The following PXN variants were observed in gnomAD, a reference collection of about 807,000 sequenced individuals.
PXN encodes the protein paxillin, also known as testicular tissue protein Li 134.
PXN carries 61 observed loss-of-function variants against 103.6 expected under a neutral mutation model. The observed-to-expected ratio is 0.59, with a 90% CI of 0.48 to 0.73. The LOEUF (loss-of-function observed/expected upper bound fraction) is 0.73, where lower values mean the gene tolerates loss of function less well. PXN is among the 30% of genes least tolerant of loss of function. The pLI is 0.00. For missense variants in PXN, 1,274 were observed against 1,460.3 expected (o/e 0.87, Z 2.08); for synonymous variants, 562 against 607.8 (o/e 0.92, Z 1.11).
At chr12:120,239,660 G>A (rs760005719) in intron 1 of PXN, among the ~76,000 whole-genome samples, 46 of 151,974 alleles carry the variant, frequency 3.0e-4, no homozygotes, top group Admixed American at 5.2e-4. Flanking sequence ...GTGAGGCAAC[G>A]GAATTGCTTG....
chr12:120,221,749 G>A lies in PXN; in HGVS notation c.705C>T (p.Ile235=). ...TGCTCATCTCGCCCTGGTTCACAGT[G>A]ATGGCAGGGCTGCAGGGTGGGCACA... ...ESSVPSPVPA[I]TVNQGEMSSP... is the part of the protein sequence containing the mutation. Residue 235 remains isoleucine (I), a synonymous_variant, in exon 6 of 15, where the codon ATC becomes ATT. Transcript: ENST00000637617. This position sits in a 1 kb window ranked among gnomAD's most constrained non-coding sequence, Gnocchi z 6.6. 1 of 1,571,268 alleles carries A rather than the reference G, an allele frequency of 6.4e-7. No individual in the cohort carries two copies. Among genetic ancestry groups the A allele is most frequent in the Non-Finnish European group, 8.6e-7 (1 of 1,159,426 alleles).
chr12:120,249,450 G>C (rs1247738690), intron 1 of PXN, among the ~76,000 whole-genome samples: 2 of 152,192 alleles, frequency 1.3e-5, no homozygotes, highest in African/African-American at 4.8e-5. Context: ...AGGAAGGACA[G>C]AGCCCAAGCC....
rs961585717 is a variant in PXN at position 120,228,804 on chromosome 12, C to T, written c.14-4427G>A. Among the ~76,000 whole-genome samples the T allele has an allele frequency of 6.6e-6, 1 of 152,204 alleles. No homozygotes were observed. Among genetic ancestry groups the T allele is most frequent in the Non-Finnish European group, 1.5e-5 (1 of 68,036 alleles). The stretch of plus-strand genomic sequence containing the variant: ...CCCTGTGCAAATGCAGCACCGTGTG[C>T]GCCCCTATCTGCACCCCATGGCTGC... On this transcript the variant is annotated intron_variant, in intron 1 of 14. Transcript: ENST00000637617. The surrounding 1 kb of genome is among the most constrained non-coding windows in gnomAD (Gnocchi z 4.7).
At chr12:120,249,824 T>A (rs577530164) in intron 1 of PXN, 152 of 978,606 alleles carry the variant, frequency 1.6e-4, no homozygotes, top group Non-Finnish European at 1.7e-4. Context: ...AAGAGGCCAT[T>A]TGAGGTGGTG....
intron 1 of PXN, among the ~76,000 whole-genome samples, chr12:120,263,012 T>C (rs1026405134): frequency 6.6e-6 from 1 of 152,142 alleles, no homozygotes; most frequent in African/African-American, 2.4e-5. Flanking sequence ...CCCCATTTTT[T>C]ATTAGACCAA....
Position 120,210,710 on chromosome 12 carries a change from A to C in PXN, c.*1604T>G, listed in dbSNP as rs1199902961. The C allele has an allele frequency of 6.6e-6, 1 of 152,626 alleles. No individual in the cohort carries two copies. The highest frequency in any genetic ancestry group is 2.4e-5 in the African/African-American group (1 of 41,372). 9.5% of individuals were successfully genotyped at this position (152,626 alleles called of 1,614,324 possible). ...GCTGACCTTCCCCCAAAAAGGAGGG[A>C]CCCTCTTCGGAGACCCCAGCACACT... On this transcript the variant is annotated 3_prime_UTR_variant, in exon 15 of 15. Coordinates refer to ENST00000637617, the MANE Select transcript of PXN (RefSeq NM_001385981.1).
In PXN at chr12:120,222,525, G is replaced by T; in HGVS notation, c.695+24C>A. ...AGGCTGGGCCAGCCCTTCCCCACCTGGGGAGGGCCCAGTGGGTACTCACAC... is the reference window on the plus strand; with the variant it reads ...AGGCTGGGCCAGCCCTTCCCCACCTTGGGAGGGCCCAGTGGGTACTCACAC... On this transcript the variant is annotated intron_variant, in intron 5 of 14. Coordinates refer to ENST00000637617, the MANE Select transcript of PXN (RefSeq NM_001385981.1). The surrounding 1 kb of genome is among the most constrained non-coding windows in gnomAD (Gnocchi z 4.7). The T allele has an allele frequency of 6.4e-7, 1 of 1,570,860 alleles. No individual in the cohort carries two copies. Among genetic ancestry groups the T allele is most frequent in the Non-Finnish European group, 8.6e-7 (1 of 1,158,360 alleles).
rs1038228983 is a variant in PXN, at chr12:120,217,766, T to C, written c.1717-650A>G. 1.3e-5 allele frequency among the ~76,000 whole-genome samples: 2 copies of C among 151,368 alleles called. No individual in the cohort carries two copies. Among genetic ancestry groups the C allele is most frequent in the African/African-American group, 2.4e-5 (1 of 41,274 alleles). ...GGCTAATTTTTGTTGTTGTTGTTTT[T>C]TGTTTTTTTTTTTAGTAGAGATGGG... On this transcript the variant is annotated intron_variant, in intron 7 of 14. Coordinates refer to ENST00000637617, the MANE Select transcript of PXN (RefSeq NM_001385981.1). The surrounding 1 kb of genome is among the most constrained non-coding windows in gnomAD (Gnocchi z 4.1).
chr12:120,246,583 G>A (rs1891189240), intron 1 of PXN, among the ~76,000 whole-genome samples: 1 of 146,434 alleles, frequency 6.8e-6, no homozygotes, highest in Admixed American at 6.8e-5. Flanking sequence ...GGCCAGGCGC[G>A]GTGGCTCATG....
rs186648620 is a variant in PXN, at chr12:120,238,635, C to T, written c.14-14258G>A. Among the ~76,000 whole-genome samples, 279 of 152,350 alleles carry T rather than the reference C, an allele frequency of 1.8e-3. 3 individuals carry two copies. In the Middle Eastern group the frequency reaches 0.037, roughly 20 times the overall value. On this transcript the variant is annotated intron_variant, in intron 1 of 14. Transcript: ENST00000637617. The stretch of plus-strand genomic sequence containing the variant: ...CACACAGAAAGTCCCCATGTACACA[C>T]GTGGAGCATTCCAGAAGGTTGTTTG...
Position 120,217,541 on chromosome 12 carries a change from CT to C in PXN, c.1717-426del, listed in dbSNP as rs371304598. Among the ~76,000 whole-genome samples the C allele has an allele frequency of 6.6e-6, 1 of 151,802 alleles. No homozygotes were observed. Among genetic ancestry groups the C allele is most frequent in the African/African-American group, 2.4e-5 (1 of 41,282 alleles). The stretch of plus-strand genomic sequence containing the variant: ...CAAGGCATACGGCTTTTTCTTTTTT[CT>C]TTTTTTTAATTTATAATAGAAAAAG... On this transcript the variant is annotated intron_variant, in intron 7 of 14. Coordinates refer to ENST00000637617, the MANE Select transcript of PXN (RefSeq NM_001385981.1). This position sits in a 1 kb window ranked among gnomAD's most constrained non-coding sequence, Gnocchi z 4.1.
chr12:120,247,103 G>A (rs989611948), intron 1 of PXN, among the ~76,000 whole-genome samples: 6 of 152,046 alleles, frequency 3.9e-5, no homozygotes, highest in Non-Finnish European at 7.4e-5. Context: ...AAAATGAATG[G>A]CAACATGATA....
At chr12:120,239,975 G>A (rs1337376619) in intron 1 of PXN, among the ~76,000 whole-genome samples, 1 of 148,910 alleles carries the variant, frequency 6.7e-6, no homozygotes, top group African/African-American at 2.5e-5. Flanking sequence ...TGACCTGCCT[G>A]GCCTCTGCAG....
chr12:120,222,517 C>A lies in PXN; in HGVS notation c.695+32G>T. 6.4e-7 allele frequency: 1 copy of A among 1,560,036 alleles called. No homozygotes were observed. Among genetic ancestry groups the A allele is most frequent in the Non-Finnish European group, 8.7e-7 (1 of 1,152,322 alleles). On this transcript the variant is annotated intron_variant, in intron 5 of 14. Transcript: ENST00000637617. This position sits in a 1 kb window ranked among gnomAD's most constrained non-coding sequence, Gnocchi z 4.7. Reference sequence around the variant, plus strand: ...CCCGGGGCAGGCTGGGCCAGCCCTTCCCCACCTGGGGAGGGCCCAGTGGGT... The same window carrying A: ...CCCGGGGCAGGCTGGGCCAGCCCTTACCCACCTGGGGAGGGCCCAGTGGGT...
intron 1 of PXN, among the ~76,000 whole-genome samples, chr12:120,235,741 A>C (rs948709674): frequency 6.6e-6 from 1 of 152,122 alleles, no homozygotes; most frequent in Non-Finnish European, 1.5e-5. Flanking sequence ...TGGTACAGAG[A>C]GCTCAAGAAT....
At chr12:120,227,250 C>T in intron 1 of PXN, 1 of 769,850 alleles carries the variant, frequency 1.3e-6, no homozygotes, top group Non-Finnish European at 1.6e-6. Context: ...CCTATAGTCC[C>T]AGCTATTCAG....
intron 1 of PXN, among the ~76,000 whole-genome samples, chr12:120,235,707 G>T (rs1888899860): frequency 6.6e-6 from 1 of 152,118 alleles, no homozygotes; most frequent in African/African-American, 2.4e-5. Flanking sequence ...GAGGGGTCTT[G>T]AGCCACAGAG....
At position 120,219,721 on chromosome 12, in the gene PXN, T is replaced by C; in HGVS notation, c.1202A>G (p.His401Arg). The C allele has an allele frequency of 6.3e-7, 1 of 1,595,814 alleles. No individual in the cohort carries two copies. Among genetic ancestry groups the C allele is most frequent in the Non-Finnish European group, 8.5e-7 (1 of 1,178,690 alleles). The change falls in exon 7 of 15, where the codon CAC (histidine) becomes CGC (arginine). Residue 401 changes from histidine to arginine, a missense_variant. Around this residue, in one of 2 missense-constraint regions of PXN, gnomAD observed 1,178 missense variants for 1,309.0 expected, o/e 0.90. Transcript: ENST00000637617. The surrounding 1 kb of genome is among the most constrained non-coding windows in gnomAD (Gnocchi z 6.5). ...TSELSGAPRCHTVPCAGSTAL... is the reference protein window; with the variant it reads ...TSELSGAPRCRTVPCAGSTAL... The stretch of plus-strand genomic sequence containing the variant: ...TGTGCTCCCAGCACAGGGTACAGTG[T>C]GGCAGCGGGGAGCCCCAGAGAGCTC...
In PXN at chr12:120,222,700, C is replaced by G; in HGVS notation, c.544G>C (p.Gly182Arg). ...AAGGGGCTGTTAGTCTCTGGGACACCATAGAGGGGGCTCAGGGCCCCAGGA... is the reference window on the plus strand; with the variant it reads ...AAGGGGCTGTTAGTCTCTGGGACACGATAGAGGGGGCTCAGGGCCCCAGGA... ...PLPGALSPLYGVPETNSPLGG... is the reference protein window; with the variant it reads ...PLPGALSPLYRVPETNSPLGG... The change falls in exon 5 of 15, where the codon GGT (glycine) becomes CGT (arginine). Residue 182 changes from glycine to arginine, a missense_variant. Gly to Arg is a moderately radical substitution (Grantham distance 125). Around this residue, in one of 2 missense-constraint regions of PXN, gnomAD observed 1,178 missense variants for 1,309.0 expected, o/e 0.90. Coordinates refer to ENST00000637617, the MANE Select transcript of PXN (RefSeq NM_001385981.1). The surrounding 1 kb of genome is among the most constrained non-coding windows in gnomAD (Gnocchi z 4.7). The G allele has an allele frequency of 6.2e-7, 1 of 1,609,774 alleles. No individual in the cohort carries two copies. The highest frequency in any genetic ancestry group is 1.7e-4 in the Middle Eastern group (1 of 6,052).
Sources: gnomAD v4.1 joint callset for allele counts (sites outside exome capture counted in the v4.1 genomes callset) on GRCh38, gnomAD v4.1.1 for gene constraint, gnomAD v4.1.1 regional missense constraint, Gnocchi (gnomAD v3.1) non-coding constraint, MANE v1.5 for transcripts, NCBI Gene and HGNC (gene_info 2026-07-23, HGNC 2026-07-21) for gene names.